Variants in SOX6 observed in about 807,000 individuals in gnomAD.
SOX6 encodes transcription factor SOX-6.
Under a neutral mutation model 97.8 loss-of-function variants are expected in SOX6, and 11 were observed. That is an observed-to-expected ratio of 0.11 (90% CI 0.07 to 0.19). The LOEUF (loss-of-function observed/expected upper bound fraction) is 0.19, where lower values mean the gene tolerates loss of function less well. Among genes scored for constraint, SOX6 ranks in the 10% least tolerant of loss-of-function variants. The pLI is 1.00. For synonymous variants in SOX6, 360 were observed against 371.4 expected (o/e 0.97, Z 0.35); for missense variants, 810 against 1,039.5 (o/e 0.78, Z 3.04).
At position 16,141,518 on chromosome 11, in the gene SOX6, C is replaced by T. The variant is rs564608974; in HGVS notation, c.778-29595G>A. Reference sequence around the variant, plus strand: ...ACTGGGGCTTGTCGGACAGTGGGTGCAGGACACTGGGTGCAGCTCACCGAG... The same window carrying T: ...ACTGGGGCTTGTCGGACAGTGGGTGTAGGACACTGGGTGCAGCTCACCGAG... On this transcript the variant is annotated intron_variant, in intron 6 of 15. Coordinates refer to ENST00000683767, the MANE Select transcript of SOX6 (RefSeq NM_001367873.1). Among the ~76,000 whole-genome samples the T allele has an allele frequency of 1.6e-4, 24 of 152,142 alleles. No individual in the cohort carries two copies. The South Asian group carries it at 4.8e-3, about 30-fold the overall frequency.
chr11:16,663,192 G>T (rs1177078841), intron 3 of SOX6, among the ~76,000 whole-genome samples: 1 of 152,024 alleles, frequency 6.6e-6, no homozygotes, highest in Admixed American at 6.6e-5. Context: ...GAATGCTCAG[G>T]CTCACCAATT....
intron 4 of SOX6, among the ~76,000 whole-genome samples, chr11:16,549,925 G>T (rs1323677888): frequency 6.6e-6 from 1 of 152,142 alleles, no homozygotes; most frequent in East Asian, 1.9e-4. Context: ...ATGAACAGTG[G>T]TTGTCAGGGG....
chr11:16,330,550 C>A (rs1046326264), intron 2 of SOX6, among the ~76,000 whole-genome samples: 1 of 152,116 alleles, frequency 6.6e-6, no homozygotes, highest in Non-Finnish European at 1.5e-5. Context: ...GAGCAAGACT[C>A]CATCTAAAAC....
intron 12 of SOX6, among the ~76,000 whole-genome samples, chr11:16,016,070 C>T (rs868469392): frequency 1.4e-4 from 22 of 152,084 alleles, no homozygotes; most frequent in Non-Finnish European, 1.5e-4. Context: ...TAGTTCTGTA[C>T]TGAGCATGTT....
chr11:16,459,079 A>C (rs1343555786), intron 1 of SOX6, among the ~76,000 whole-genome samples: 2 of 152,048 alleles, frequency 1.3e-5, no homozygotes, highest in Non-Finnish European at 2.9e-5. Context: ...GGAAAGATAC[A>C]CTTAAAAGGA....
At chr11:16,093,386 A>G (rs574724585) in intron 9 of SOX6, among the ~76,000 whole-genome samples, 3 of 152,086 alleles carry the variant, frequency 2.0e-5, no homozygotes, top group East Asian at 3.9e-4. Flanking sequence ...TCCTTATTTT[A>G]AAGAAAGAAA....
At chr11:16,429,627 G>GTGAGAAATAAAT in intron 1 of SOX6, among the ~76,000 whole-genome samples, 1 of 152,088 alleles carries the variant, frequency 6.6e-6, no homozygotes, top group South Asian at 2.1e-4. Flanking sequence ...GCTAAATGAT[G>GTGAGAAATAAAT]AAAACACATG....
At chr11:16,344,408 T>A (rs2134346403) in intron 1 of SOX6, among the ~76,000 whole-genome samples, 1 of 152,080 alleles carries the variant, frequency 6.6e-6, no homozygotes, top group East Asian at 1.9e-4. Flanking sequence ...CCTGATGACA[T>A]CTCATTCATT....
intron 6 of SOX6, among the ~76,000 whole-genome samples, chr11:16,150,551 A>C (rs960024546): frequency 1.5e-4 from 23 of 152,218 alleles, no homozygotes; most frequent in African/African-American, 5.5e-4. Context: ...CACTGAAGGA[A>C]TATTGAGCAA....
At chr11:16,597,669 G>A (rs1415403588) in intron 4 of SOX6, among the ~76,000 whole-genome samples, 2 of 151,912 alleles carry the variant, frequency 1.3e-5, no homozygotes, top group Non-Finnish European at 2.9e-5. Context: ...AAATCCTGGT[G>A]TTAATCATTG....
chr11:16,233,057 A>G (rs1242652896), intron 4 of SOX6, among the ~76,000 whole-genome samples: 1 of 152,174 alleles, frequency 6.6e-6, no homozygotes, highest in African/African-American at 2.4e-5. Flanking sequence ...CTTGAATTGA[A>G]CATGACATGC....
intron 6 of SOX6, among the ~76,000 whole-genome samples, chr11:16,136,118 A>C (rs1849954059): frequency 6.6e-6 from 1 of 152,122 alleles, no homozygotes; most frequent in Non-Finnish European, 1.5e-5. Context: ...TCCCAGGTTC[A>C]AGAAATTCCC....
chr11:15,994,127 T>C (rs900376586), intron 13 of SOX6, among the ~76,000 whole-genome samples: 1 of 152,238 alleles, frequency 6.6e-6, no homozygotes. Context: ...TTTGGTCCAA[T>C]GGGAGAAGAC....
At chr11:16,068,004 C>T (rs992658079) in intron 9 of SOX6, among the ~76,000 whole-genome samples, 8 of 148,622 alleles carry the variant, frequency 5.4e-5, no homozygotes, top group East Asian at 3.9e-4. Context: ...ATCGGGGAAC[C>T]CCAGGCCTAG....
intron 2 of SOX6, among the ~76,000 whole-genome samples, chr11:16,327,519 G>GTT (rs1856138956): frequency 6.6e-6 from 1 of 152,024 alleles, no homozygotes; most frequent in Non-Finnish European, 1.5e-5. Context: ...TTCTCACAAA[G>GTT]CTCCAGGAAC....
At chr11:16,050,096 G>A (rs528131600) in intron 10 of SOX6, among the ~76,000 whole-genome samples, 158 bp from the exon 11 acceptor site, 18 of 152,134 alleles carry the variant, frequency 1.2e-4, no homozygotes, top group Middle Eastern at 6.8e-3. Flanking sequence ...AAGATTCATC[G>A]GAAGGAAACC....
At chr11:16,349,735 G>C (rs1226328947) in intron 1 of SOX6, among the ~76,000 whole-genome samples, 1 of 135,528 alleles carries the variant, frequency 7.4e-6, no homozygotes, top group African/African-American at 2.7e-5. Flanking sequence ...AAGGAAGGAA[G>C]GAAGGAAGGA....
At position 16,505,241 on chromosome 11, in the gene SOX6, G is replaced by A. The variant is rs143914290; in HGVS notation, n.610-28853C>T. On this transcript the variant is annotated intron_variant and non_coding_transcript_variant, in intron 4 of 5. Transcript: ENST00000524520. ...AGTCCAGGCTGAGGTGGTCTCAGAT[G>A]GAGATGAGGAACTTATTGGGAACTG... Among the ~76,000 whole-genome samples the A allele has an allele frequency of 1.9e-3, 283 of 152,292 alleles. 1 individual carries two copies. The highest frequency in any genetic ancestry group is 6.5e-3 in the African/African-American group (269 of 41,564).
chr11:16,239,069 A>T (rs899833876), intron 3 of SOX6, among the ~76,000 whole-genome samples: 1 of 152,056 alleles, frequency 6.6e-6, no homozygotes, highest in Non-Finnish European at 1.5e-5. Context: ...CACATTTTTC[A>T]TTAGGAAACA....
Sources: gnomAD v4.1 joint callset for allele counts (sites outside exome capture counted in the v4.1 genomes callset) on GRCh38, gnomAD v4.1.1 for gene constraint, MANE v1.5 for transcripts, NCBI Gene and HGNC (gene_info 2026-07-23, HGNC 2026-07-21) for gene names.